Variants in SGPP1 observed in about 807,000 individuals in gnomAD.
The protein encoded by SGPP1 is hSPP1.
A neutral mutation model predicts 33.0 loss-of-function variants in SGPP1; 21 were observed. The observed-to-expected ratio is 0.64, with a 90% CI of 0.45 to 0.92. The LOEUF is 0.92. Among genes scored for constraint, SGPP1 ranks in the 40% least tolerant of loss-of-function variants. The probability of loss-of-function intolerance (pLI) is 0.00; values close to 1 mark genes in which losing one functional copy is unlikely to be tolerated. For missense variants in SGPP1, 543 were observed against 589.4 expected (o/e 0.92, Z 0.81); for synonymous variants, 239 against 241.2 (o/e 0.99, Z 0.08).
In SGPP1 at chr14:63,686,267, A is replaced by C. The variant is rs1310125263; in HGVS notation, c.1164T>G (p.Ile388Met). ...IIRDVMKKIT[I>M]PLACKIFNIP... Reference sequence around the variant, plus strand: ...TATTGAAGATTTTGCAGGCTAAAGGAATGGTGATCTTTTTCATTACATCTC... The same window carrying C: ...TATTGAAGATTTTGCAGGCTAAAGGCATGGTGATCTTTTTCATTACATCTC... The change falls in exon 3 of 3, where the codon ATT (isoleucine) becomes ATG (methionine). Residue 388 changes from isoleucine (I) to methionine (M), a missense_variant. By Grantham distance (10) the Ile-to-Met change is conservative. Coordinates refer to ENST00000247225, the MANE Select transcript of SGPP1 (RefSeq NM_030791.4). 6.2e-7 allele frequency: 1 copy of C among 1,614,188 alleles called. No individual in the cohort carries two copies. The highest frequency in any genetic ancestry group is 8.5e-7 in the Non-Finnish European group (1 of 1,180,032).
In SGPP1 at chr14:63,686,464, G is replaced by A; in HGVS notation, c.967C>T (p.Leu323=). The stretch of plus-strand genomic sequence containing the variant: ...CATGCAATTCCAGCACCACTTCCTA[G>A]TATCTCGGCTGTGTCTCCTCGGGAT... The part of the protein sequence containing the change: ...STSRGDTAEI[L]GSGAGIACGS... Residue 323 remains leucine (L), a synonymous_variant, in exon 3 of 3, where the codon CTA becomes TTA. Coordinates refer to ENST00000247225, the MANE Select transcript of SGPP1 (RefSeq NM_030791.4). 6.2e-7 allele frequency: 1 copy of A among 1,614,088 alleles called. No individual in the cohort carries two copies. The highest frequency in any genetic ancestry group is 8.5e-7 in the Non-Finnish European group (1 of 1,180,010).
rs147082083 is a variant in SGPP1, at chr14:63,686,237, C to G, written c.1194G>C (p.Pro398=). Residue 398 remains proline (P), a synonymous_variant, in exon 3 of 3, where the codon CCG becomes CCC. Coordinates refer to ENST00000247225, the MANE Select transcript of SGPP1 (RefSeq NM_030791.4). The part of the protein sequence containing the change: ...IPLACKIFNI[P]CDDIRKARQH... ...GTCTTGCTTTTCGAATATCATCACA[C>G]GGTATATTGAAGATTTTGCAGGCTA... The G allele has an allele frequency of 1.2e-6, 2 of 1,614,054 alleles. No individual in the cohort carries two copies. The highest frequency in any genetic ancestry group is 2.2e-5 in the East Asian group (1 of 44,876).
At chr14:63,707,956 T>C (rs1412817524) in intron 1 of SGPP1, among the ~76,000 whole-genome samples, 1 of 152,124 alleles carries the variant, frequency 6.6e-6, no homozygotes, top group East Asian at 1.9e-4. Context: ...GGTAGGCTCA[T>C]TAAGTACAAT....
chr14:63,710,476 A>G (rs1297291759), intron 1 of SGPP1, among the ~76,000 whole-genome samples: 1 of 152,164 alleles, frequency 6.6e-6, no homozygotes, highest in African/African-American at 2.4e-5. Context: ...ACAGAAACCA[A>G]TTTAGATTAT....
At chr14:63,699,720 G>T (rs1885256875) in intron 1 of SGPP1, among the ~76,000 whole-genome samples, 1 of 144,800 alleles carries the variant, frequency 6.9e-6, no homozygotes, top group African/African-American at 2.9e-5. Context: ...GGAACTACAG[G>T]CAGAGTTGTT....
At chr14:63,690,428 G>A (rs1349077576) in intron 2 of SGPP1, among the ~76,000 whole-genome samples, 1 of 152,204 alleles carries the variant, frequency 6.6e-6, no homozygotes. Context: ...TGTTCTAAAA[G>A]AGATATAACT....
At position 63,727,534 on chromosome 14, in the gene SGPP1, C is replaced by A. The variant is rs2139659402; in HGVS notation, c.411G>T (p.Glu137Asp). The change falls in exon 1 of 3, where the codon GAG becomes GAT. Residue 137 changes from glutamate to aspartate, a missense_variant. Coordinates refer to ENST00000247225, the MANE Select transcript of SGPP1 (RefSeq NM_030791.4). The stretch of plus-strand genomic sequence containing the variant: ...GGATGTAGAAGAGTTCGTTGCCCAG[C>A]TCCGTGCCGAAGCAGAACAGGCAGT... Reference protein sequence around the residue: ...PLYCLFCFGTELGNELFYILF... With the variant: ...PLYCLFCFGTDLGNELFYILF... 1 of 1,613,924 alleles carries A rather than the reference C, an allele frequency of 6.2e-7. No homozygotes were observed. The highest frequency in any genetic ancestry group is 8.5e-7 in the Non-Finnish European group (1 of 1,180,002).
chr14:63,710,325 T>C (rs894432468), intron 1 of SGPP1, among the ~76,000 whole-genome samples: 1 of 152,210 alleles, frequency 6.6e-6, no homozygotes, highest in African/African-American at 2.4e-5. Flanking sequence ...ATGTTTGTCA[T>C]AAAATTATTG....
In SGPP1 at chr14:63,689,419, T is replaced by C. The variant is rs567835992; in HGVS notation, c.775-2763A>G. On this transcript the variant is annotated intron_variant, in intron 2 of 2. Transcript: ENST00000247225. ...CACCTACCTTGGCCTCCCAAAGAGCTAGGATTACAGGTATCAGCCACCGGG... is the reference window on the plus strand; with the variant it reads ...CACCTACCTTGGCCTCCCAAAGAGCCAGGATTACAGGTATCAGCCACCGGG... 9.6e-4 allele frequency among the ~76,000 whole-genome samples: 146 copies of C among 152,280 alleles called. No individual in the cohort carries two copies. The Middle Eastern group carries it at 0.027, about 29-fold the overall frequency.
chr14:63,698,590 G>T lies in SGPP1; in HGVS notation c.753C>A (p.Tyr251Ter). 1 of 1,592,802 alleles carries T rather than the reference G, an allele frequency of 6.3e-7. No homozygotes were observed. ...WCSLVCLSRI[Y>*]MGMHSILDII... ...TTACCAGAATAGAGTGCATTCCCAT[G>T]TAAATTCTACTTAGGCAAACTAGAG... The change falls in exon 2 of 3, where the codon TAC (tyrosine) becomes TAA (stop). Residue 251 changes from tyrosine (Y) to a stop codon, truncating the protein, a stop_gained. Transcript: ENST00000247225. LOFTEE classifies it high-confidence loss of function.
intron 1 of SGPP1, among the ~76,000 whole-genome samples, chr14:63,699,571 C>A (rs1285982044): frequency 6.6e-6 from 1 of 151,880 alleles, no homozygotes; most frequent in Non-Finnish European, 1.5e-5. Context: ...TTGTTTTGTT[C>A]TGTTTTTTTA....
In SGPP1 at chr14:63,686,336, G is replaced by A. The variant is rs1170507031; in HGVS notation, c.1095C>T (p.Ala365=). ...PPITVTLFGK[A]ILRILIGMVF... is the part of the protein sequence containing the mutation. ...CCATCCCTATGAGGATCCGCAATAT[G>A]GCTTTTCCAAACAGAGTCACAGTAA... is the stretch of plus-strand genomic sequence containing the variant. The change falls in exon 3 of 3, where the codon GCC becomes GCT. Residue 365 remains alanine (A), a synonymous_variant. Transcript: ENST00000247225. 8.1e-6 allele frequency: 13 copies of A among 1,613,872 alleles called. No individual in the cohort carries two copies. The highest frequency in any genetic ancestry group is 1.1e-5 in the Non-Finnish European group (13 of 1,179,932).
At chr14:63,715,430 T>C (rs1389170709) in intron 1 of SGPP1, among the ~76,000 whole-genome samples, 3 of 152,190 alleles carry the variant, frequency 2.0e-5, no homozygotes, top group African/African-American at 7.2e-5. Context: ...ATTTTATTGT[T>C]TAAAGTGACT....
intron 1 of SGPP1, among the ~76,000 whole-genome samples, chr14:63,712,811 G>A (rs1191000322): frequency 1.3e-5 from 2 of 149,380 alleles, no homozygotes; most frequent in Non-Finnish European, 3.0e-5. Flanking sequence ...CAGCTACTTG[G>A]GAGGCTGAGG....
chr14:63,724,864 A>G (rs1329006620), intron 1 of SGPP1, among the ~76,000 whole-genome samples: 1 of 151,278 alleles, frequency 6.6e-6, no homozygotes, highest in Non-Finnish European at 1.5e-5. Context: ...CCTGGGCAAC[A>G]GAGCGAGACT....
At chr14:63,686,749 TATAC>T (rs1192115820) in intron 2 of SGPP1, 93 bp from the exon 3 acceptor site, 2 of 923,334 alleles carry the variant, frequency 2.2e-6, no homozygotes, top group African/African-American at 3.3e-5. Flanking sequence ...AAATGTTGAA[TATAC>T]ATAAATTTTT....
At chr14:63,692,119 G>A (rs1196550595) in intron 2 of SGPP1, among the ~76,000 whole-genome samples, 3 of 152,062 alleles carry the variant, frequency 2.0e-5, no homozygotes, top group African/African-American at 4.8e-5. Context: ...ATAACTTTCC[G>A]TACTAAAAAC....
At chr14:63,698,014 T>C (rs960360427) in intron 2 of SGPP1, among the ~76,000 whole-genome samples, 3 of 152,082 alleles carry the variant, frequency 2.0e-5, no homozygotes, top group African/African-American at 4.8e-5. Context: ...GGAGGGAAAG[T>C]GAATGGGTGT....
At chr14:63,724,988 A>AG (rs1885848982) in intron 1 of SGPP1, among the ~76,000 whole-genome samples, 1 of 149,730 alleles carries the variant, frequency 6.7e-6, no homozygotes, top group African/African-American at 2.5e-5. Flanking sequence ...CCCGACTCTT[A>AG]GGGAAAAAAA....
Sources: allele counts gnomAD v4.1 joint callset (sites outside exome capture counted in the v4.1 genomes callset), GRCh38; gene constraint gnomAD v4.1.1; transcripts MANE v1.5; gene names NCBI Gene and HGNC (gene_info 2026-07-23, HGNC 2026-07-21).